LARGE1: variants seen among roughly 807,000 people sequenced by gnomAD.
LARGE1 encodes the protein LARGE xylosyl- and glucuronyltransferase 1.
LARGE1 carries 43 observed loss-of-function variants against 87.6 expected under a neutral mutation model. The ratio of observed to expected loss-of-function variants is 0.49; its 90% confidence interval spans 0.38 to 0.63. The LOEUF is 0.63. Ranked by LOEUF, LARGE1 falls within the 30% of genes least tolerant of loss-of-function variation. The probability of loss-of-function intolerance (pLI) is 0.00; values close to 1 mark genes in which losing one functional copy is unlikely to be tolerated. For synonymous variants in LARGE1, 434 were observed against 394.6 expected, an observed-to-expected ratio of 1.10 and a Z score of -1.18; for missense variants, 802 against 1,000.2, an observed-to-expected ratio of 0.80 and a Z score of 2.67.
chr22:33,347,260 T>A (rs1436807495), intron 9 of LARGE1, among the ~76,000 whole-genome samples: 1 of 152,240 alleles, frequency 6.6e-6, no homozygotes, highest in African/African-American at 2.4e-5. Context: ...TTCTTGTAAT[T>A]ATTTATTTAC....
chr22:33,166,817 C>G (rs1467912675), exon 12 of LARGE1: 3 of 471,484 alleles, frequency 6.4e-6, no homozygotes, highest in Non-Finnish European at 8.8e-6. Context: ...GAGATAGGGT[C>G]TGGCTAAAAT....
intron 2 of LARGE1, 85 bp from the exon 3 acceptor site, chr22:33,650,753 A>AT: frequency 6.9e-7 from 1 of 1,451,800 alleles, no homozygotes; most frequent in Non-Finnish European, 9.5e-7. Context: ...CCCTTACTAC[A>AT]TGGCGAGGCT....
intron 11 of LARGE1, among the ~76,000 whole-genome samples, chr22:33,234,282 C>A (rs1182571905): frequency 1.3e-5 from 2 of 152,164 alleles, no homozygotes; most frequent in East Asian, 3.9e-4. Context: ...ATATCATGCC[C>A]ACTTACATTT....
chr22:33,359,243 G>T (rs2064292579), intron 9 of LARGE1, among the ~76,000 whole-genome samples: 1 of 152,166 alleles, frequency 6.6e-6, no homozygotes, highest in Non-Finnish European at 1.5e-5. Context: ...AAATGCTGCG[G>T]ACTTGGAATC....
At chr22:33,734,441 G>A (rs1344844638) in intron 2 of LARGE1, among the ~76,000 whole-genome samples, 1 of 152,176 alleles carries the variant, frequency 6.6e-6, no homozygotes, top group Non-Finnish European at 1.5e-5. Flanking sequence ...CAGAGGTGAG[G>A]GATGACACTG....
At chr22:33,237,073 A>T (rs1353857019) in intron 11 of LARGE1, among the ~76,000 whole-genome samples, 1 of 152,188 alleles carries the variant, frequency 6.6e-6, no homozygotes, top group East Asian at 1.9e-4. Context: ...CTCTTACCAA[A>T]TCCTTCCACT....
chr22:33,316,140 C>G lies in LARGE1; in HGVS notation c.1396G>C (p.Glu466Gln), dbSNP rs774223611. ...THLYFLHYEY[E>Q]PAADSTDVTL... ...ACGTCCGTGCTGTCTGCTGCAGGCT[C>G]ATACTCGTAGTGCAGGAAGTACAGG... Residue 466 changes from glutamate to glutamine, a missense_variant, in exon 11 of 15, where the codon GAG (glutamate) becomes CAG (glutamine). Glu to Gln is a conservative substitution (Grantham distance 29). Transcript: ENST00000397394. 1.2e-6 allele frequency: 2 copies of G among 1,614,142 alleles called. No homozygotes were observed. Among genetic ancestry groups the G allele is most frequent in the East Asian group, 4.5e-5 (2 of 44,864 alleles).
At chr22:33,459,914 T>C (rs1435269677) in intron 6 of LARGE1, among the ~76,000 whole-genome samples, 4 of 152,340 alleles carry the variant, frequency 2.6e-5, no homozygotes, top group Admixed American at 6.5e-5. Flanking sequence ...AGCTGGTCCA[T>C]AGTGGCTCTG....
At position 33,431,492 on chromosome 22, in the gene LARGE1, C is replaced by A. The variant is rs150663730; in HGVS notation, c.892+669G>T. Among the ~76,000 whole-genome samples the A allele has an allele frequency of 9.7e-3, 1,480 of 152,180 alleles. 15 individuals are homozygous for A. The highest frequency in any genetic ancestry group is 0.017 in the South Asian group (81 of 4,824). ...TTACCAAATATTTCTGCATTTTCTC[C>A]TGCCAGGCACATGTGGTCCTCAAAA... On this transcript the variant is annotated intron_variant, in intron 7 of 14. Coordinates refer to ENST00000397394, the MANE Select transcript of LARGE1 (RefSeq NM_133642.5).
chr22:33,543,434 T>C lies in LARGE1; in HGVS notation c.787+21414A>G, dbSNP rs541777233. Among the ~76,000 whole-genome samples, 21 of 152,242 alleles carry C rather than the reference T, an allele frequency of 1.4e-4. No individual in the cohort carries two copies. The East Asian group carries it at 3.7e-3, about 27-fold the overall frequency. On this transcript the variant is annotated intron_variant, in intron 6 of 14. Coordinates refer to ENST00000397394, the MANE Select transcript of LARGE1 (RefSeq NM_133642.5). Reference sequence around the variant, plus strand: ...CCTCTAAACGGCTACAGAAAACTCATCCACGCATCAAAAGTTTACAAATGC... The same window carrying C: ...CCTCTAAACGGCTACAGAAAACTCACCCACGCATCAAAAGTTTACAAATGC...
At chr22:33,071,006 C>G in the LARGE1 span, among the ~76,000 whole-genome samples, 1 of 151,546 alleles carries the variant, frequency 6.6e-6, no homozygotes, top group Non-Finnish European at 1.5e-5. Context: ...TCAACACATG[C>G]CAGAAATAAA....
At chr22:33,482,783 C>T (rs1159305897) in intron 6 of LARGE1, among the ~76,000 whole-genome samples, 2 of 152,120 alleles carry the variant, frequency 1.3e-5, no homozygotes, top group Non-Finnish European at 2.9e-5. Context: ...TTATTATTGA[C>T]TGTAGGCACC....
At chr22:33,699,999 C>T (rs2283931) in intron 2 of LARGE1, among the ~76,000 whole-genome samples, 29,881 of 152,154 alleles carry the variant, frequency 0.2, 3,030 homozygotes, top group Admixed American at 0.25. Context: ...GGTTCCGATG[C>T]AACCACTGAC....
chr22:33,624,236 G>A (rs1032836851), intron 4 of LARGE1, among the ~76,000 whole-genome samples: 4 of 152,146 alleles, frequency 2.6e-5, no homozygotes, highest in Admixed American at 6.5e-5. Context: ...CATGTAATAC[G>A]TGTCAGCTAC....
At chr22:33,521,891 T>C (rs533459730) in intron 6 of LARGE1, among the ~76,000 whole-genome samples, 11 of 152,312 alleles carry the variant, frequency 7.2e-5, no homozygotes, top group Non-Finnish European at 7.4e-5. Flanking sequence ...GCATAGCGCC[T>C]GCATCTATTT....
intron 9 of LARGE1, among the ~76,000 whole-genome samples, chr22:33,366,946 A>C (rs2064616934): frequency 6.6e-6 from 1 of 152,196 alleles, no homozygotes; most frequent in Non-Finnish European, 1.5e-5. Context: ...AATTGGTAGA[A>C]CTTATTTCTA....
At chr22:33,141,696 CA>C in the LARGE1 span, among the ~76,000 whole-genome samples, 3 of 152,094 alleles carry the variant, frequency 2.0e-5, no homozygotes, top group Non-Finnish European at 2.9e-5. Flanking sequence ...TTAAGACAAG[CA>C]CCCACTCTAC....
chr22:33,139,578 T>C, the LARGE1 span, among the ~76,000 whole-genome samples: 1 of 152,214 alleles, frequency 6.6e-6, no homozygotes, highest in Non-Finnish European at 1.5e-5. Context: ...ACCCCTCTAG[T>C]AAATTTTCTA....
chr22:33,627,800 A>G (rs1569323818), intron 3 of LARGE1, among the ~76,000 whole-genome samples: 1 of 152,212 alleles, frequency 6.6e-6, no homozygotes, highest in Non-Finnish European at 1.5e-5. Context: ...TATTCCCAGT[A>G]CGAGAAACTT....
Sources: gnomAD v4.1 joint callset for allele counts (sites outside exome capture counted in the v4.1 genomes callset) on GRCh38, gnomAD v4.1.1 for gene constraint, MANE v1.5 for transcripts, NCBI Gene and HGNC (gene_info 2026-07-23, HGNC 2026-07-21) for gene names.